FANK1: variants seen among roughly 807,000 people sequenced by gnomAD.
FANK1 encodes fibronectin type 3 and ankyrin repeat domains protein 1.
In FANK1, 44 loss-of-function variants were observed where a neutral mutation model predicts 45.3. The observed-to-expected ratio is 0.97, with a 90% CI of 0.76 to 1.25. FANK1 has a LOEUF of 1.25. Among genes scored for constraint, FANK1 ranks in the 50% most tolerant of loss-of-function variants. FANK1 has a pLI of 0.00. For synonymous variants in FANK1, 149 were observed against 152.5 expected, an observed-to-expected ratio of 0.98 and a Z score of 0.17; for missense variants, 391 against 424.4, an observed-to-expected ratio of 0.92 and a Z score of 0.69.
chr10:125,986,632 CT>C (rs1204166660), intron 2 of FANK1, among the ~76,000 whole-genome samples: 1 of 152,108 alleles, frequency 6.6e-6, no homozygotes, highest in Non-Finnish European at 1.5e-5. Flanking sequence ...TGGGAAGTCC[CT>C]TTCTCAGACT....
intron 1 of FANK1, among the ~76,000 whole-genome samples, chr10:125,971,156 A>C (rs1005805146): frequency 6.6e-6 from 1 of 152,118 alleles, no homozygotes; most frequent in South Asian, 2.1e-4. Flanking sequence ...TCTATGAGCT[A>C]TCTTGCTAAT....
chr10:126,007,495 G>T (rs750611390), intron 7 of FANK1, among the ~76,000 whole-genome samples: 2 of 152,204 alleles, frequency 1.3e-5, no homozygotes, highest in Non-Finnish European at 2.9e-5. Flanking sequence ...TCCAAATCAT[G>T]TTACAGTGGA....
At chr10:125,953,461 C>T (rs1327108728) in intron 1 of FANK1, among the ~76,000 whole-genome samples, 1 of 152,158 alleles carries the variant, frequency 6.6e-6, no homozygotes, top group Non-Finnish European at 1.5e-5. Flanking sequence ...CTCACCTTCT[C>T]ACCAGATCAG....
intron 1 of FANK1, among the ~76,000 whole-genome samples, chr10:125,942,520 G>A (rs1376635358): frequency 6.6e-6 from 1 of 151,962 alleles, no homozygotes; most frequent in Non-Finnish European, 1.5e-5. Context: ...TTGAGGAGGA[G>A]GACATTTTTT....
chr10:125,956,012 G>A (rs1016404861), intron 1 of FANK1, among the ~76,000 whole-genome samples: 8 of 152,146 alleles, frequency 5.3e-5, no homozygotes, highest in African/African-American at 1.9e-4. Flanking sequence ...TGTGATGGGA[G>A]GTGGGGGGCA....
At chr10:125,898,020 A>AAG (rs1564843675) in intron 1 of FANK1, among the ~76,000 whole-genome samples, 1 of 79,716 alleles carries the variant, frequency 1.3e-5, no homozygotes, top group Non-Finnish European at 3.0e-5. Context: ...AAAAAAAAAA[A>AAG]AAAAAAAAAA....
At chr10:125,941,366 G>A (rs1010795386) in intron 1 of FANK1, among the ~76,000 whole-genome samples, 4 of 152,180 alleles carry the variant, frequency 2.6e-5, no homozygotes, top group East Asian at 1.9e-4. Context: ...TAAGACCATC[G>A]TAAGATACGA....
rs73372518 is a variant in FANK1 at position 125,999,797 on chromosome 10, A to T, written c.539+2312A>T. 7.4e-3 allele frequency among the ~76,000 whole-genome samples: 1,127 copies of T among 152,326 alleles called. 13 individuals carry two copies. Among genetic ancestry groups the T allele is most frequent in the African/African-American group, 0.023 (966 of 41,560 alleles). On this transcript the variant is annotated intron_variant, in intron 6 of 10. Transcript: ENST00000368693. Reference sequence around the variant, plus strand: ...ATGAGTTAATATGAAAAATGCGTTAAAACAGTTCCTGGCATATGGTAAATA... The same window carrying T: ...ATGAGTTAATATGAAAAATGCGTTATAACAGTTCCTGGCATATGGTAAATA...
intron 1 of FANK1, among the ~76,000 whole-genome samples, chr10:125,904,672 C>T (rs112917392): frequency 5.3e-5 from 8 of 151,926 alleles, no homozygotes; most frequent in African/African-American, 9.6e-5. Flanking sequence ...CACTGCACCC[C>T]GCTTAGTGTG....
At chr10:125,908,659 C>T (rs1385533439) in intron 1 of FANK1, among the ~76,000 whole-genome samples, 7 of 151,922 alleles carry the variant, frequency 4.6e-5, no homozygotes, top group Admixed American at 1.3e-4. Flanking sequence ...GTACCCTGCT[C>T]GAGTGATGGG....
chr10:125,954,162 G>T (rs1949428675), intron 1 of FANK1, among the ~76,000 whole-genome samples: 1 of 91,534 alleles, frequency 1.1e-5, no homozygotes, highest in African/African-American at 3.5e-5. Context: ...AATGGGGGAA[G>T]GGGCAGTTTT....
intron 2 of FANK1, among the ~76,000 whole-genome samples, chr10:125,982,706 A>T (rs1951298258): frequency 6.6e-6 from 1 of 152,138 alleles, no homozygotes; most frequent in African/African-American, 2.4e-5. Context: ...GGAAACAATG[A>T]TATTGTCTTT....
intron 1 of FANK1, among the ~76,000 whole-genome samples, chr10:125,904,429 A>G (rs992115431): frequency 2.6e-5 from 4 of 152,004 alleles, no homozygotes; most frequent in African/African-American, 7.2e-5. Flanking sequence ...TAACACCAAC[A>G]TTACAGATTT....
At chr10:125,930,816 C>G (rs1424533721) in intron 1 of FANK1, among the ~76,000 whole-genome samples, 1 of 152,056 alleles carries the variant, frequency 6.6e-6, no homozygotes, top group East Asian at 1.9e-4. Context: ...GTGCACCCAC[C>G]ACCCGAGCAG....
Position 126,004,867 on chromosome 10 carries a change from T to G in FANK1, c.540-17T>G, listed in dbSNP as rs373910822. 38 of 1,612,928 alleles carry G rather than the reference T, an allele frequency of 2.4e-5. No individual in the cohort carries two copies. The highest frequency in any genetic ancestry group is 9.3e-5 in the African/African-American group (7 of 75,046). On this transcript the variant is annotated splice_polypyrimidine_tract_variant and intron_variant, in intron 6 of 10. Transcript: ENST00000368693. ...ACTGTGCTTATTGTCAAATGCCGCT[T>G]CTTCCATATGTTGCAGTCTAATGCT...
At chr10:125,982,963 T>G (rs1471874231) in intron 2 of FANK1, among the ~76,000 whole-genome samples, 1 of 152,172 alleles carries the variant, frequency 6.6e-6, no homozygotes, top group Non-Finnish European at 1.5e-5. Context: ...AATTTCCATT[T>G]TAATCTTTCT....
chr10:125,937,762 A>C (rs950245540), intron 1 of FANK1, among the ~76,000 whole-genome samples: 1 of 152,214 alleles, frequency 6.6e-6, no homozygotes, highest in African/African-American at 2.4e-5. Context: ...AAAAATAAGC[A>C]AAAGGATAAA....
At chr10:125,977,404 C>A (rs192832825) in intron 1 of FANK1, among the ~76,000 whole-genome samples, 1 of 152,048 alleles carries the variant, frequency 6.6e-6, no homozygotes, top group Non-Finnish European at 1.5e-5. Context: ...CAGTAGGTGG[C>A]GCTTAGGTGA....
chr10:125,900,248 C>A (rs138572224), intron 1 of FANK1, among the ~76,000 whole-genome samples: 1 of 152,284 alleles, frequency 6.6e-6, no homozygotes, highest in Non-Finnish European at 1.5e-5. Context: ...ACATTGACGT[C>A]TTTAATTATT....
Sources: allele counts gnomAD v4.1 joint callset (sites outside exome capture counted in the v4.1 genomes callset), GRCh38; gene constraint gnomAD v4.1.1; transcripts MANE v1.5; gene names NCBI Gene and HGNC (gene_info 2026-07-23, HGNC 2026-07-21).